The following B3GALT1 variants were observed in gnomAD, a reference collection of about 807,000 sequenced individuals.
The protein encoded by B3GALT1 is beta-1,3-galactosyltransferase 1.
B3GALT1 carries 10 observed loss-of-function variants against 23.2 expected under a neutral mutation model. The ratio of observed to expected loss-of-function variants is 0.43; its 90% CI spans 0.27 to 0.73. The LOEUF is 0.73. Ranked by LOEUF, B3GALT1 falls within the 30% of genes least tolerant of loss-of-function variation. The probability of loss-of-function intolerance (pLI) is 0.21; values close to 1 mark genes in which losing one functional copy is unlikely to be tolerated. For missense variants in B3GALT1, 299 were observed against 405.4 expected, an observed-to-expected ratio of 0.74 and a Z score of 2.25; for synonymous variants, 156 against 141.5, an observed-to-expected ratio of 1.10 and a Z score of -0.73.
At chr2:167,334,485 C>T (rs1697023240) in intron 1 of B3GALT1, among the ~76,000 whole-genome samples, 1 of 152,086 alleles carries the variant, frequency 6.6e-6, no homozygotes, top group African/African-American at 2.4e-5. Context: ...GTTTGTAATT[C>T]CCTGTGAAAT....
At chr2:167,740,155 C>T (rs1344539657) in intron 3 of B3GALT1, among the ~76,000 whole-genome samples, 2 of 150,980 alleles carry the variant, frequency 1.3e-5, no homozygotes, top group East Asian at 3.9e-4. Flanking sequence ...AGAAATTCTA[C>T]TAGAGAAGCT....
At chr2:167,574,749 T>C (rs1684354098) in intron 2 of B3GALT1, among the ~76,000 whole-genome samples, 1 of 151,770 alleles carries the variant, frequency 6.6e-6, no homozygotes, top group Admixed American at 6.6e-5. Context: ...AATTAGAATA[T>C]GAATTAATTT....
intron 3 of B3GALT1, among the ~76,000 whole-genome samples, chr2:167,776,440 G>A (rs1368722013): frequency 6.6e-6 from 1 of 152,180 alleles, no homozygotes; most frequent in Non-Finnish European, 1.5e-5. Flanking sequence ...TTTCTCTAAA[G>A]TATGAAAGAC....
At chr2:167,471,941 A>C (rs1020481530) in intron 1 of B3GALT1, among the ~76,000 whole-genome samples, 1 of 152,172 alleles carries the variant, frequency 6.6e-6, no homozygotes, top group African/African-American at 2.4e-5. Context: ...GATAGTGTGA[A>C]ACACTGTAGT....
chr2:167,812,236 A>G (rs1043721840), intron 3 of B3GALT1, among the ~76,000 whole-genome samples: 2 of 152,276 alleles, frequency 1.3e-5, no homozygotes, highest in Non-Finnish European at 2.9e-5. Flanking sequence ...AGATATGCTG[A>G]GCATGACCTG....
chr2:167,635,973 T>A (rs905532054), intron 2 of B3GALT1, among the ~76,000 whole-genome samples: 1 of 152,072 alleles, frequency 6.6e-6, no homozygotes, highest in African/African-American at 2.4e-5. Flanking sequence ...CAAAACAGCA[T>A]GGTACTGGTA....
At chr2:167,509,682 A>G (rs1699974352) in intron 2 of B3GALT1, among the ~76,000 whole-genome samples, 1 of 152,184 alleles carries the variant, frequency 6.6e-6, no homozygotes, top group Non-Finnish European at 1.5e-5. Context: ...AATGCCTGGC[A>G]TGGTCAATGA....
intron 1 of B3GALT1, among the ~76,000 whole-genome samples, chr2:167,384,635 C>T (rs1472825840): frequency 2.6e-5 from 4 of 152,108 alleles, no homozygotes; most frequent in African/African-American, 9.7e-5. Context: ...GAATGTCTAT[C>T]GTCTTGTCTC....
chr2:167,306,372 A>G (rs987980289), intron 1 of B3GALT1, among the ~76,000 whole-genome samples: 1 of 152,096 alleles, frequency 6.6e-6, no homozygotes, highest in Non-Finnish European at 1.5e-5. Context: ...GGCAAAATAT[A>G]CACATATGAA....
In B3GALT1 at chr2:167,512,575, T is replaced by C. The variant is rs1273849406; in HGVS notation, c.-410+22298T>C. Among the ~76,000 whole-genome samples, 12 of 95,558 alleles carry C rather than the reference T, an allele frequency of 1.3e-4. 1 individual carries two copies. The East Asian group carries it at 2.3e-3, about 18-fold the overall frequency. The allele number at this position is 95,558 out of a possible 152,430, so 62.7% of individuals were successfully genotyped here. On this transcript the variant is annotated intron_variant, in intron 2 of 4. Coordinates refer to ENST00000392690, the MANE Select transcript of B3GALT1 (RefSeq NM_020981.4). ...ATATATGTATATATATATGTATATA[T>C]ATATGTATATATATATGTGTATATA...
chr2:167,643,349 G>A (rs546255927), intron 2 of B3GALT1, among the ~76,000 whole-genome samples: 1 of 152,116 alleles, frequency 6.6e-6, no homozygotes, highest in Non-Finnish European at 1.5e-5. Flanking sequence ...TTTGGGATTG[G>A]ATCAAAAGCC....
At chr2:167,798,915 G>A (rs1023334963) in intron 3 of B3GALT1, among the ~76,000 whole-genome samples, 4 of 152,254 alleles carry the variant, frequency 2.6e-5, no homozygotes, top group African/African-American at 4.8e-5. Flanking sequence ...AAAAGCTGTT[G>A]TCTTCTTGAG....
At chr2:167,795,358 T>C (rs1423125814) in intron 3 of B3GALT1, among the ~76,000 whole-genome samples, 1 of 152,076 alleles carries the variant, frequency 6.6e-6, no homozygotes, top group Non-Finnish European at 1.5e-5. Context: ...CTTTTGAAAA[T>C]TTTAATTGGG....
At chr2:167,339,593 TG>T (rs974741560) in intron 1 of B3GALT1, among the ~76,000 whole-genome samples, 15 of 152,046 alleles carry the variant, frequency 9.9e-5, no homozygotes, top group African/African-American at 3.6e-4. Context: ...CTTTTTAAGG[TG>T]GGTGGATGAT....
intron 2 of B3GALT1, among the ~76,000 whole-genome samples, chr2:167,523,730 T>C (rs1318708964): frequency 6.6e-6 from 1 of 152,160 alleles, no homozygotes; most frequent in Non-Finnish European, 1.5e-5. Flanking sequence ...CAGCCTTATT[T>C]GTAAGCACTT....
At chr2:167,326,360 T>C (rs1300814213) in intron 1 of B3GALT1, among the ~76,000 whole-genome samples, 3 of 152,070 alleles carry the variant, frequency 2.0e-5, no homozygotes, top group African/African-American at 7.2e-5. Context: ...GAGTGGTTTG[T>C]AAACATTTTC....
At chr2:167,359,936 C>G (rs1697473832) in intron 1 of B3GALT1, among the ~76,000 whole-genome samples, 1 of 152,032 alleles carries the variant, frequency 6.6e-6, no homozygotes, top group Non-Finnish European at 1.5e-5. Context: ...ATATAACAAT[C>G]AAGTACTGTG....
intron 3 of B3GALT1, among the ~76,000 whole-genome samples, chr2:167,736,334 AG>A (rs1333864185): frequency 1.3e-5 from 2 of 152,216 alleles, no homozygotes; most frequent in African/African-American, 2.4e-5. Flanking sequence ...AAATACTGAA[AG>A]GCTATGTCAA....
chr2:167,422,519 T>G (rs1208722251), intron 1 of B3GALT1, among the ~76,000 whole-genome samples: 3 of 152,214 alleles, frequency 2.0e-5, no homozygotes, highest in Non-Finnish European at 4.4e-5. Context: ...ACAAGCTGAT[T>G]GTAATGCTGT....
Sources: gnomAD v4.1 joint callset for allele counts (sites outside exome capture counted in the v4.1 genomes callset) on GRCh38, gnomAD v4.1.1 for gene constraint, MANE v1.5 for transcripts, NCBI Gene and HGNC (gene_info 2026-07-23, HGNC 2026-07-21) for gene names.